The following CDH2 variants were observed in gnomAD, a reference collection of about 807,000 sequenced individuals.
CDH2 encodes cadherin 2.
CDH2 carries 17 observed loss-of-function variants against 92.0 expected under a neutral mutation model. The observed-to-expected ratio is 0.18, with a 90% CI of 0.13 to 0.28. The LOEUF (loss-of-function observed/expected upper bound fraction) is 0.28. Among genes scored for constraint, CDH2 ranks in the 10% least tolerant of loss-of-function variants. The pLI, the probability that CDH2 is intolerant of heterozygous loss-of-function variation, is 1.00. For synonymous variants in CDH2, 419 were observed against 415.9 expected (o/e 1.01, Z -0.09); for missense variants, 862 against 1,133.1 (o/e 0.76, Z 3.44).
chr18:28,022,772 T>C (rs1293271680), intron 2 of CDH2, among the ~76,000 whole-genome samples: 1 of 152,072 alleles, frequency 6.6e-6, no homozygotes, highest in African/African-American at 2.4e-5. Flanking sequence ...TTTTAATACT[T>C]TTTTTAGGTT....
intron 7 of CDH2, among the ~76,000 whole-genome samples, chr18:27,997,353 C>T (rs1032386245): frequency 9.9e-5 from 15 of 152,154 alleles, no homozygotes; most frequent in South Asian, 6.2e-4. Context: ...GTGACCAAAA[C>T]GAGATACAGC....
At chr18:28,027,270 T>C (rs1384148763) in intron 2 of CDH2, among the ~76,000 whole-genome samples, 1 of 151,856 alleles carries the variant, frequency 6.6e-6, no homozygotes, top group Non-Finnish European at 1.5e-5. Context: ...AAAAGGTCTA[T>C]AAAAATGAAA....
chr18:28,133,937 T>C (rs1284033956), intron 2 of CDH2, among the ~76,000 whole-genome samples: 1 of 152,066 alleles, frequency 6.6e-6, no homozygotes. Flanking sequence ...AGCAGGAGGA[T>C]GGCTGGGGCC....
intron 2 of CDH2, among the ~76,000 whole-genome samples, chr18:28,129,100 T>C (rs2144288327): frequency 6.6e-6 from 1 of 152,356 alleles, no homozygotes; most frequent in Admixed American, 6.5e-5. Context: ...AAGTAATTTT[T>C]ACCCCTGATA....
chr18:28,058,878 T>C (rs1475191724), intron 2 of CDH2, among the ~76,000 whole-genome samples: 1 of 152,238 alleles, frequency 6.6e-6, no homozygotes, highest in Non-Finnish European at 1.5e-5. Context: ...CAGTTGCTAG[T>C]ATTTTTTGTT....
At chr18:28,082,631 CTATTT>C (rs2014853456) in intron 2 of CDH2, among the ~76,000 whole-genome samples, 1 of 152,104 alleles carries the variant, frequency 6.6e-6, no homozygotes, top group Non-Finnish European at 1.5e-5. Context: ...TTCATTAATC[CTATTT>C]TATATTAGAT....
chr18:28,011,033 C>CA (rs2013084003), intron 4 of CDH2, among the ~76,000 whole-genome samples: 2 of 150,826 alleles, frequency 1.3e-5, no homozygotes, highest in African/African-American at 4.9e-5. Flanking sequence ...GAGTTACATT[C>CA]TTTGTTAAAG....
Position 27,951,996 on chromosome 18 carries a change from T to A in CDH2, c.*157A>T, listed in dbSNP as rs201220952. ...TTCCAAACAGTATGGATCACTGATA[T>A]TCCCTCTGAGCCCAAATTGGTTTGC... On this transcript the variant is annotated 3_prime_UTR_variant, in exon 16 of 16. Coordinates refer to ENST00000269141, the MANE Select transcript of CDH2 (RefSeq NM_001792.5). 8.8e-5 allele frequency: 57 copies of A among 646,674 alleles called. No homozygotes were observed. The highest frequency in any genetic ancestry group is 1.4e-4 in the Non-Finnish European group (50 of 363,870). The allele number at this position is 646,674 out of a possible 1,614,324, so 40.1% of individuals were successfully genotyped here. A position where few individuals can be genotyped will look rare whatever the true frequency, so the allele number is the denominator to read the frequency against.
At chr18:28,059,847 T>C (rs996220749) in intron 2 of CDH2, among the ~76,000 whole-genome samples, 1 of 152,238 alleles carries the variant, frequency 6.6e-6, no homozygotes, top group African/African-American at 2.4e-5. Context: ...GATAGGTCTC[T>C]TCTTTAATCT....
chr18:28,000,200 C>A (rs971977816), intron 7 of CDH2, among the ~76,000 whole-genome samples: 1 of 152,138 alleles, frequency 6.6e-6, no homozygotes, highest in South Asian at 2.1e-4. Context: ...ACCTCCCAGG[C>A]TCAGGTGATT....
chr18:28,117,046 T>C (rs2015506865), intron 2 of CDH2, among the ~76,000 whole-genome samples: 2 of 152,168 alleles, frequency 1.3e-5, no homozygotes, highest in Admixed American at 6.6e-5. Flanking sequence ...GTATTTGAGA[T>C]AAATCTTCTA....
intron 1 of CDH2, among the ~76,000 whole-genome samples, chr18:28,176,329 T>G (rs913352969): frequency 1.2e-4 from 18 of 151,880 alleles, no homozygotes; most frequent in African/African-American, 4.1e-4. Context: ...CGGCAGAGAC[T>G]CCTCCGGGCA....
chr18:28,030,917 T>G (rs1198352040), intron 2 of CDH2, among the ~76,000 whole-genome samples: 1 of 152,060 alleles, frequency 6.6e-6, no homozygotes, highest in Non-Finnish European at 1.5e-5. Flanking sequence ...ATCCCATTGA[T>G]GACTCCCTCT....
At chr18:27,986,363 C>A (rs1347876744) in intron 11 of CDH2, among the ~76,000 whole-genome samples, 1 of 152,082 alleles carries the variant, frequency 6.6e-6, no homozygotes, top group African/African-American at 2.4e-5. Context: ...TGATTGTAAT[C>A]CTATGACACA....
chr18:28,089,288 AAG>A (rs2014994354), intron 2 of CDH2, among the ~76,000 whole-genome samples: 1 of 152,202 alleles, frequency 6.6e-6, no homozygotes, highest in Non-Finnish European at 1.5e-5. Context: ...CCTCAAATAA[AAG>A]AGTGATAAAT....
chr18:28,167,000 G>A (rs909087383), intron 1 of CDH2, among the ~76,000 whole-genome samples: 5 of 152,114 alleles, frequency 3.3e-5, no homozygotes, highest in Admixed American at 2.0e-4. Flanking sequence ...GTGTGTGGAA[G>A]TAGAAACCCC....
intron 2 of CDH2, among the ~76,000 whole-genome samples, chr18:28,033,271 AT>A (rs1265854471): frequency 6.6e-6 from 1 of 152,002 alleles, no homozygotes; most frequent in African/African-American, 2.4e-5. Context: ...TTTGGGAAGT[AT>A]TTTTTCAAGG....
chr18:28,104,478 G>A (rs923630327), intron 2 of CDH2, among the ~76,000 whole-genome samples: 1 of 151,648 alleles, frequency 6.6e-6, no homozygotes, highest in Non-Finnish European at 1.5e-5. Context: ...CAAACTAACT[G>A]TTTTACATAG....
chr18:28,124,226 G>T (rs533278382), intron 2 of CDH2, among the ~76,000 whole-genome samples: 1 of 151,812 alleles, frequency 6.6e-6, no homozygotes, highest in Non-Finnish European at 1.5e-5. Flanking sequence ...TTAATTTTAA[G>T]GTTCATTTTG....
Sources: gnomAD v4.1 joint callset for allele counts (sites outside exome capture counted in the v4.1 genomes callset) on GRCh38, gnomAD v4.1.1 for gene constraint, MANE v1.5 for transcripts, NCBI Gene and HGNC (gene_info 2026-07-23, HGNC 2026-07-21) for gene names.